The following BCR variants were observed in gnomAD, a reference collection of about 807,000 sequenced individuals.
BCR encodes BCR activator of RhoGEF and GTPase, also known as breakpoint cluster region protein.
A neutral mutation model predicts 138.6 loss-of-function variants in BCR; 58 were observed. The ratio of observed to expected loss-of-function variants is 0.42; its 90% CI spans 0.34 to 0.52. The LOEUF (loss-of-function observed/expected upper bound fraction) is 0.52, where lower values mean the gene tolerates loss of function less well. Ranked by LOEUF, BCR falls within the 20% of genes least tolerant of loss-of-function variation. BCR has a pLI of 0.06. For missense variants in BCR, 1,599 were observed against 1,727.2 expected (o/e 0.93, Z 1.32); for synonymous variants, 786 against 730.1 (o/e 1.08, Z -1.23).
intron 1 of BCR, among the ~76,000 whole-genome samples, chr22:23,232,850 A>G (rs1381973875): frequency 6.6e-6 from 1 of 152,186 alleles, no homozygotes; most frequent in Non-Finnish European, 1.5e-5. Context: ...CAGACCATGG[A>G]GCCCCTGTTC....
chr22:23,315,359 C>T, intron 22 of BCR, 74 bp from the exon 23 acceptor site: 2 of 1,396,172 alleles, frequency 1.4e-6, no homozygotes. Context: ...GAGGCTTGGG[C>T]CCCAAAGACC....
intron 21 of BCR, 59 bp from the exon 22 acceptor site, chr22:23,314,493 C>G: frequency 6.3e-7 from 1 of 1,595,842 alleles, no homozygotes; most frequent in African/African-American, 1.3e-5. Flanking sequence ...AGCCCAGCCC[C>G]TCTGCCTCTC....
chr22:23,190,024 A>G (rs758805136), intron 1 of BCR, among the ~76,000 whole-genome samples: 10 of 152,356 alleles, frequency 6.6e-5, no homozygotes, highest in Non-Finnish European at 1.3e-4. Flanking sequence ...TCTGGATGCC[A>G]AAAGTCCAAG....
intron 16 of BCR, among the ~76,000 whole-genome samples, chr22:23,302,152 G>C (rs2073908676): frequency 6.6e-6 from 1 of 152,144 alleles, no homozygotes; most frequent in Non-Finnish European, 1.5e-5. Context: ...AGTCATCCAG[G>C]ACAGGCATTT....
intron 10 of BCR, among the ~76,000 whole-genome samples, chr22:23,286,582 T>C (rs1308609389): frequency 6.6e-6 from 1 of 152,130 alleles, no homozygotes; most frequent in Non-Finnish European, 1.5e-5. Flanking sequence ...GTTCAGCTCT[T>C]TGGGGGATGG....
At chr22:23,233,731 T>G (rs1351184873) in intron 1 of BCR, among the ~76,000 whole-genome samples, 1 of 148,840 alleles carries the variant, frequency 6.7e-6, no homozygotes, top group African/African-American at 2.5e-5. Context: ...CGGGGGTTGT[T>G]GTGAGCTGAG....
chr22:23,250,508 C>CATGAGTGT (rs1419249790), intron 1 of BCR, among the ~76,000 whole-genome samples: 1 of 152,164 alleles, frequency 6.6e-6, no homozygotes, highest in African/African-American at 2.4e-5. Context: ...ACTAAGAACC[C>CATGAGTGT]ATGAGTGTAT....
At chr22:23,191,676 C>G (rs1457545989) in intron 1 of BCR, among the ~76,000 whole-genome samples, 3 of 152,108 alleles carry the variant, frequency 2.0e-5, no homozygotes, top group Non-Finnish European at 4.4e-5. Flanking sequence ...TGCACCTGAG[C>G]CCATGGAGGT....
At chr22:23,186,513 C>T (rs900489850) in intron 1 of BCR, among the ~76,000 whole-genome samples, 1 of 152,112 alleles carries the variant, frequency 6.6e-6, no homozygotes, top group Non-Finnish European at 1.5e-5. Flanking sequence ...TTCATCTTCC[C>T]GACTGAAGCT....
At chr22:23,213,730 T>C (rs1043335357) in intron 1 of BCR, among the ~76,000 whole-genome samples, 1 of 151,952 alleles carries the variant, frequency 6.6e-6, no homozygotes, top group African/African-American at 2.4e-5. Flanking sequence ...CTCAGGAGGC[T>C]GAGGCAGGAG....
At chr22:23,234,701 C>G (rs535824399) in intron 1 of BCR, among the ~76,000 whole-genome samples, 1 of 145,776 alleles carries the variant, frequency 6.9e-6, no homozygotes, top group African/African-American at 2.4e-5. Context: ...GAATGGAGCA[C>G]CCAGGGGACC....
Position 23,182,194 on chromosome 22 carries a change from C to A in BCR, c.1234C>A (p.Gln412Lys). 2 of 1,593,604 alleles carry A rather than the reference C, an allele frequency of 1.3e-6. No homozygotes were observed. Among genetic ancestry groups the A allele is most frequent in the Non-Finnish European group, 1.7e-6 (2 of 1,173,660 alleles). The change falls in exon 1 of 23, where the codon CAG becomes AAG. Residue 412 changes from glutamine to lysine, a missense_variant. Gln to Lys is a moderately conservative substitution (Grantham distance 53). Around this residue, in one of 4 missense-constraint regions of BCR, gnomAD observed 806 missense variants for 635.0 expected, o/e 1.27. Coordinates refer to ENST00000305877, the MANE Select transcript of BCR (RefSeq NM_004327.4). ...ATIVGVRKTG[Q>K]IWPNDGEGAF... Reference sequence around the variant, plus strand: ...CATCGTGGGCGTCCGCAAGACCGGGCAGATCTGGCCCAACGATGGCGAGGG... The same window carrying A: ...CATCGTGGGCGTCCGCAAGACCGGGAAGATCTGGCCCAACGATGGCGAGGG...
chr22:23,299,789 T>A (rs2073884738), intron 16 of BCR, among the ~76,000 whole-genome samples: 1 of 151,980 alleles, frequency 6.6e-6, no homozygotes, highest in African/African-American at 2.4e-5. Context: ...GCACCTGCCC[T>A]CTCACAGATG....
intron 1 of BCR, among the ~76,000 whole-genome samples, chr22:23,229,861 C>T (rs552194955): frequency 7.6e-4 from 115 of 152,224 alleles, no homozygotes; most frequent in Non-Finnish European, 3.8e-4. Context: ...TATTTGGTGG[C>T]GCTTGGTTAG....
chr22:23,195,342 C>T (rs2146204044), intron 1 of BCR, among the ~76,000 whole-genome samples: 1 of 149,694 alleles, frequency 6.7e-6, no homozygotes, highest in African/African-American at 2.5e-5. Flanking sequence ...ATCGCTTGAA[C>T]TCAGGAGGCA....
rs938702898 is a variant in BCR, at chr22:23,294,872, C to A, written c.2881-152C>A. On this transcript the variant is annotated intron_variant, in intron 15 of 22. Coordinates refer to ENST00000305877, the MANE Select transcript of BCR (RefSeq NM_004327.4). ...CAGGGGTGCTTACAAGGAATACTTC[C>A]ATGTGTCCCAGGACTAAGGGAGGAG... The A allele has an allele frequency of 1.9e-5, 19 of 989,214 alleles. No individual in the cohort carries two copies. The Admixed American group carries it at 2.1e-4, about 11-fold the overall frequency. 61.3% of individuals were successfully genotyped at this position (989,214 alleles called of 1,614,324 possible). A position where few individuals can be genotyped will look rare whatever the true frequency, so the allele number is the denominator to read the frequency against.
chr22:23,253,893 C>A lies in BCR; in HGVS notation c.1374C>A (p.Asp458Glu). ...RHQDGLPYIDDSPSSSPHLSS... is the reference protein window; with the variant it reads ...RHQDGLPYIDESPSSSPHLSS... ...AAGATGGGCTGCCCTACATTGATGA[C>A]TCGCCCTCCTCATCGCCCCACCTCA... is the stretch of plus-strand genomic sequence containing the variant. The change falls in exon 2 of 23, where the codon GAC becomes GAA. Residue 458 changes from aspartate (D) to glutamate (E), a missense_variant. Transcript: ENST00000305877. The A allele has an allele frequency of 6.2e-7, 1 of 1,613,298 alleles. No individual in the cohort carries two copies. Among genetic ancestry groups the A allele is most frequent in the Middle Eastern group, 1.7e-4 (1 of 6,060 alleles).
chr22:23,284,840 G>T (rs1204993820), intron 9 of BCR, among the ~76,000 whole-genome samples, 193 bp from the exon 10 acceptor site: 1 of 152,220 alleles, frequency 6.6e-6, no homozygotes, highest in East Asian at 1.9e-4. Context: ...CACATGTTCA[G>T]AGTGTCTGTT....
chr22:23,198,504 A>T (rs2072509345), intron 1 of BCR: 1 of 268,676 alleles, frequency 3.7e-6, no homozygotes, highest in Non-Finnish European at 7.4e-6. Context: ...CATGGGCCTG[A>T]CATGTTGTAG....
Sources: gnomAD v4.1 joint callset for allele counts (sites outside exome capture counted in the v4.1 genomes callset) on GRCh38, gnomAD v4.1.1 for gene constraint, gnomAD v4.1.1 regional missense constraint, MANE v1.5 for transcripts, NCBI Gene and HGNC (gene_info 2026-07-23, HGNC 2026-07-21) for gene names.